Variants in MRAP2 observed in about 807,000 individuals in gnomAD.
The protein encoded by MRAP2 is melanocortin 2 receptor accessory protein 2, also known as melanocortin-2 receptor accessory protein 2.
MRAP2 carries 20 observed loss-of-function variants against 17.4 expected under a neutral mutation model. The ratio of observed to expected loss-of-function variants is 1.15; its 90% confidence interval spans 0.81 to 1.67. The LOEUF is 1.67. Ranked by LOEUF, MRAP2 falls within the 40% of genes most tolerant of loss-of-function variation. The pLI, the probability that MRAP2 is intolerant of heterozygous loss-of-function variation, is 0.00. For missense variants in MRAP2, 238 were observed against 240.0 expected (o/e 0.99, Z 0.05); for synonymous variants, 96 against 88.4 (o/e 1.09, Z -0.48).
At chr6:84,081,405 C>T (rs570907752) in intron 3 of MRAP2, among the ~76,000 whole-genome samples, 5 of 152,302 alleles carry the variant, frequency 3.3e-5, no homozygotes, top group African/African-American at 1.2e-4. Flanking sequence ...AAGTTGTAAT[C>T]CCCATGTGTC....
downstream of MRAP2, among the ~76,000 whole-genome samples, chr6:84,091,501 G>C (rs1222267025): frequency 6.6e-6 from 1 of 151,968 alleles, no homozygotes; most frequent in Non-Finnish European, 1.5e-5. Context: ...CAAAGTGCTG[G>C]GATTGCAGGT....
At chr6:84,074,626 C>G (rs148936168) in intron 3 of MRAP2, among the ~76,000 whole-genome samples, 29 of 152,338 alleles carry the variant, frequency 1.9e-4, no homozygotes, top group African/African-American at 6.5e-4. Context: ...TGTGCCCTGA[C>G]TCCCTGTGCC....
chr6:84,079,114 C>G (rs2099498334), intron 3 of MRAP2, among the ~76,000 whole-genome samples: 1 of 152,166 alleles, frequency 6.6e-6, no homozygotes, highest in Non-Finnish European at 1.5e-5. Context: ...CAACAACGTT[C>G]AAAGTAGCTT....
the MRAP2 span, chr6:84,125,122 C>T: frequency 1.2e-6 from 2 of 1,613,394 alleles, no homozygotes; most frequent in Non-Finnish European, 8.5e-7. Context: ...CACAACCACT[C>T]CTTGCCGGTG....
At chr6:84,088,529 G>A (rs1223792364) in intron 3 of MRAP2, among the ~76,000 whole-genome samples, 1 of 152,124 alleles carries the variant, frequency 6.6e-6, no homozygotes, top group Non-Finnish European at 1.5e-5. Flanking sequence ...CATAATTCTT[G>A]CCCTAACTGA....
chr6:84,098,564 T>G, the MRAP2 span, among the ~76,000 whole-genome samples: 3 of 152,298 alleles, frequency 2.0e-5, no homozygotes, highest in African/African-American at 4.8e-5. Context: ...CCAAAATGGT[T>G]GTATGATTTT....
the MRAP2 span, among the ~76,000 whole-genome samples, chr6:84,145,448 C>T: frequency 2.0e-5 from 3 of 152,000 alleles, no homozygotes; most frequent in Admixed American, 1.3e-4. Context: ...CTTATTTTTG[C>T]CATTGGTCTT....
At chr6:84,060,852 ATTTTTTT>A (rs771171189) in intron 2 of MRAP2, among the ~76,000 whole-genome samples, 5 of 119,548 alleles carry the variant, frequency 4.2e-5, no homozygotes, top group Admixed American at 1.7e-4. Context: ...CACCCGGCTA[ATTTTTTT>A]TTTTTTTTTT....
At chr6:84,097,781 T>C in the MRAP2 span, among the ~76,000 whole-genome samples, 4 of 152,180 alleles carry the variant, frequency 2.6e-5, no homozygotes, top group Non-Finnish European at 4.4e-5. Context: ...TGTCTAGACA[T>C]TTTTTATTAT....
At chr6:84,081,481 T>C (rs1182569174) in intron 3 of MRAP2, among the ~76,000 whole-genome samples, 2 of 152,212 alleles carry the variant, frequency 1.3e-5, no homozygotes, top group African/African-American at 2.4e-5. Context: ...TGTGCTATTC[T>C]TGTGATAGTG....
rs550263653 is a variant in MRAP2, at chr6:84,046,624, A to G, written c.-7-8688A>G. ...GTGAAACCCCATCTCTGCTAAAAGT[A>G]GAAAAAGTTAGTTGGGCGTGGTGGC... is the stretch of plus-strand genomic sequence containing the variant. On this transcript the variant is annotated intron_variant, in intron 1 of 3. Transcript: ENST00000257776. Among the ~76,000 whole-genome samples, 5 of 152,004 alleles carry G rather than the reference A, an allele frequency of 3.3e-5. No homozygotes were observed. In the South Asian group the frequency reaches 1.0e-3, roughly 32 times the overall value.
At chr6:84,137,836 G>A in the MRAP2 span, among the ~76,000 whole-genome samples, 1 of 152,028 alleles carries the variant, frequency 6.6e-6, no homozygotes, top group Non-Finnish European at 1.5e-5. Context: ...AAAAACCCAA[G>A]GATTTGAAAA....
the MRAP2 span, among the ~76,000 whole-genome samples, chr6:84,121,036 T>C: frequency 6.6e-6 from 1 of 152,068 alleles, no homozygotes; most frequent in African/African-American, 2.4e-5. Context: ...AGATAGATTA[T>C]ATAAATTCGT....
chr6:84,127,785 G>A, the MRAP2 span, among the ~76,000 whole-genome samples: 14 of 152,092 alleles, frequency 9.2e-5, no homozygotes, highest in Non-Finnish European at 1.6e-4. Context: ...AAACAGTCAA[G>A]TGAATGAGAA....
At chr6:84,102,535 A>G in the MRAP2 span, among the ~76,000 whole-genome samples, 1 of 152,246 alleles carries the variant, frequency 6.6e-6, no homozygotes, top group Non-Finnish European at 1.5e-5. Flanking sequence ...TTTCTAGAGC[A>G]TCCAGAAAAG....
intron 1 of MRAP2, among the ~76,000 whole-genome samples, chr6:84,054,342 A>G (rs1349952771): frequency 6.6e-6 from 1 of 152,194 alleles, no homozygotes; most frequent in Non-Finnish European, 1.5e-5. Context: ...CACCTTCGGT[A>G]TCCGTGCTGC....
At chr6:84,096,413 G>A in the MRAP2 span, among the ~76,000 whole-genome samples, 1 of 152,134 alleles carries the variant, frequency 6.6e-6, no homozygotes, top group African/African-American at 2.4e-5. Flanking sequence ...TTAGATAGCA[G>A]AATAGTGTCA....
At position 84,079,731 on chromosome 6, in the gene MRAP2, A is replaced by T. The variant is rs143389027; in HGVS notation, c.228-9360A>T. 4.4e-4 allele frequency among the ~76,000 whole-genome samples: 67 copies of T among 152,244 alleles called. 1 individual carries two copies. The East Asian group carries it at 0.011, about 25-fold the overall frequency. ...TCATAGTAAACTATGTGTGTATTCT[A>T]GGAGGTAAAGGAAGATAAAGATATT... On this transcript the variant is annotated intron_variant, in intron 3 of 3. Coordinates refer to ENST00000257776, the MANE Select transcript of MRAP2 (RefSeq NM_138409.4).
At chr6:84,113,758 G>A in the MRAP2 span, among the ~76,000 whole-genome samples, 3 of 152,160 alleles carry the variant, frequency 2.0e-5, no homozygotes, top group African/African-American at 7.2e-5. Flanking sequence ...CTTCCTTCAG[G>A]AGCTCTAGTA....
Sources: allele counts gnomAD v4.1 joint callset (sites outside exome capture counted in the v4.1 genomes callset), GRCh38; gene constraint gnomAD v4.1.1; transcripts MANE v1.5; gene names NCBI Gene and HGNC (gene_info 2026-07-23, HGNC 2026-07-21).